Variants in CADM2 observed in about 807,000 individuals in gnomAD.
CADM2 encodes cell adhesion molecule 2.
A neutral mutation model predicts 49.8 loss-of-function variants in CADM2; 12 were observed. The ratio of observed to expected loss-of-function variants is 0.24; its 90% CI spans 0.15 to 0.39. The LOEUF (loss-of-function observed/expected upper bound fraction) is 0.39. CADM2 is among the 10% of genes least tolerant of loss of function. CADM2 has a pLI of 1.00. For synonymous variants in CADM2, 214 were observed against 175.4 expected (o/e 1.22, Z -1.74); for missense variants, 378 against 492.3 (o/e 0.77, Z 2.20).
chr3:86,016,568 C>T (rs1311547965), intron 8 of CADM2, among the ~76,000 whole-genome samples: 3 of 152,190 alleles, frequency 2.0e-5, no homozygotes, highest in Non-Finnish European at 2.9e-5. Flanking sequence ...AAAAAGCTAG[C>T]ACAAATTTTG....
intron 1 of CADM2, among the ~76,000 whole-genome samples, chr3:85,052,492 A>C (rs2035917790): frequency 6.6e-6 from 1 of 152,076 alleles, no homozygotes; most frequent in Non-Finnish European, 1.5e-5. Context: ...GATTCTGGCC[A>C]CACGGGTTCA....
At chr3:85,489,330 G>T (rs867545941) in intron 1 of CADM2, among the ~76,000 whole-genome samples, 3 of 152,004 alleles carry the variant, frequency 2.0e-5, no homozygotes, top group African/African-American at 7.2e-5. Context: ...TAAAATAAGA[G>T]AATTCATTGA....
At chr3:85,939,946 AT>A (rs1721659231) in intron 7 of CADM2, among the ~76,000 whole-genome samples, 1 of 150,678 alleles carries the variant, frequency 6.6e-6, no homozygotes, top group South Asian at 2.1e-4. Flanking sequence ...TTTTGAAATG[AT>A]CAGGAATTAA....
intron 1 of CADM2, among the ~76,000 whole-genome samples, chr3:85,043,470 A>G (rs1462979599): frequency 6.6e-6 from 1 of 151,970 alleles, no homozygotes; most frequent in East Asian, 1.9e-4. Context: ...GCTTAAGGCC[A>G]GGAGTTTGAG....
intron 1 of CADM2, among the ~76,000 whole-genome samples, chr3:85,641,576 A>C (rs560831307): frequency 6.6e-6 from 1 of 152,236 alleles, no homozygotes; most frequent in East Asian, 1.9e-4. Flanking sequence ...TAATATCTTA[A>C]ACATTTTTCC....
At chr3:85,431,176 A>G (rs2036645492) in intron 1 of CADM2, among the ~76,000 whole-genome samples, 1 of 152,142 alleles carries the variant, frequency 6.6e-6, no homozygotes, top group Non-Finnish European at 1.5e-5. Flanking sequence ...CCTAGAAGCA[A>G]TAGGCTATAC....
intron 1 of CADM2, among the ~76,000 whole-genome samples, chr3:85,090,727 C>G (rs1472867602): frequency 6.6e-6 from 1 of 152,148 alleles, no homozygotes; most frequent in Non-Finnish European, 1.5e-5. Flanking sequence ...GCACCACCTG[C>G]TGTCAGATTA....
At chr3:85,568,473 C>CTCTCTCTT (rs1310030589) in intron 1 of CADM2, among the ~76,000 whole-genome samples, 3 of 27,612 alleles carry the variant, frequency 1.1e-4, no homozygotes, top group African/African-American at 2.3e-4. Context: ...CTCTTTCTCT[C>CTCTCTCTT]TCTTTCTTTC....
chr3:85,603,877 C>T (rs2063483709), intron 1 of CADM2, among the ~76,000 whole-genome samples: 1 of 152,050 alleles, frequency 6.6e-6, no homozygotes, highest in Non-Finnish European at 1.5e-5. Context: ...TTCTTATCTT[C>T]ATTTTTAATA....
chr3:85,636,968 T>C (rs768405479), intron 1 of CADM2, among the ~76,000 whole-genome samples: 11 of 152,176 alleles, frequency 7.2e-5, no homozygotes, highest in Non-Finnish European at 1.3e-4. Flanking sequence ...ACTGCACTTG[T>C]TAGTTCATTA....
intron 1 of CADM2, among the ~76,000 whole-genome samples, chr3:85,144,245 G>GCACA (rs3083491): frequency 0.048 from 7,144 of 148,926 alleles, 358 homozygotes; most frequent in African/African-American, 0.13. Context: ...TGTTACACAC[G>GCACA]CACACACACA....
chr3:85,331,880 C>T (rs1207248921), intron 1 of CADM2, among the ~76,000 whole-genome samples: 1 of 151,952 alleles, frequency 6.6e-6, no homozygotes, highest in Non-Finnish European at 1.5e-5. Context: ...TGTATAAAAC[C>T]CAGTTATCAT....
chr3:85,500,706 A>G (rs1212473051), intron 1 of CADM2, among the ~76,000 whole-genome samples: 1 of 151,830 alleles, frequency 6.6e-6, no homozygotes, highest in Non-Finnish European at 1.5e-5. Context: ...TTTAGTGGAG[A>G]TGAGGTTTCC....
At chr3:85,170,442 G>A (rs990320474) in intron 1 of CADM2, among the ~76,000 whole-genome samples, 2 of 151,392 alleles carry the variant, frequency 1.3e-5, no homozygotes, top group Non-Finnish European at 1.5e-5. Context: ...AGGTTTTCGC[G>A]ATTCTTCTGC....
chr3:85,636,504 T>TA (rs971057187), intron 1 of CADM2, among the ~76,000 whole-genome samples: 3 of 152,178 alleles, frequency 2.0e-5, no homozygotes, highest in African/African-American at 7.2e-5. Flanking sequence ...AACCTAAGGC[T>TA]AATTTATTTT....
chr3:85,779,826 A>G (rs748366517), intron 2 of CADM2, among the ~76,000 whole-genome samples: 1 of 152,174 alleles, frequency 6.6e-6, no homozygotes, highest in African/African-American at 2.4e-5. Context: ...ATTCAATGAA[A>G]AACTGAGTTT....
intron 1 of CADM2, among the ~76,000 whole-genome samples, chr3:85,303,080 G>A (rs2044137923): frequency 1.3e-5 from 2 of 151,836 alleles, no homozygotes; most frequent in South Asian, 4.1e-4. Flanking sequence ...ATTCATTTAT[G>A]TTTGGACAAA....
chr3:85,140,729 T>C (rs1202988956), intron 1 of CADM2, among the ~76,000 whole-genome samples: 4 of 152,210 alleles, frequency 2.6e-5, no homozygotes, highest in Non-Finnish European at 5.9e-5. Flanking sequence ...AGGTAACATG[T>C]AGACTTAGGT....
chr3:85,042,307 A>G (rs1464204797), intron 1 of CADM2, among the ~76,000 whole-genome samples: 2 of 152,220 alleles, frequency 1.3e-5, no homozygotes. Flanking sequence ...AACTTGAAAC[A>G]GAATTGTTGG....
Sources: allele counts gnomAD v4.1 joint callset (sites outside exome capture counted in the v4.1 genomes callset), GRCh38; gene constraint gnomAD v4.1.1; transcripts MANE v1.5; gene names NCBI Gene and HGNC (gene_info 2026-07-23, HGNC 2026-07-21).